Variants in STXBP6 observed in about 807,000 individuals in gnomAD.
The protein encoded by STXBP6 is syntaxin-binding protein 6.
In STXBP6, 21 loss-of-function variants were observed where a neutral mutation model predicts 26.9. That is an observed-to-expected ratio of 0.78 (90% CI 0.55 to 1.12). The LOEUF is 1.12. Ranked by LOEUF, STXBP6 falls within the 50% of genes most tolerant of loss-of-function variation. STXBP6 has a pLI of 0.00. For synonymous variants in STXBP6, 97 were observed against 92.6 expected (o/e 1.05, Z -0.27); for missense variants, 232 against 257.9 (o/e 0.90, Z 0.69).
rs2071951305 is a variant in STXBP6, at chr14:24,920,813, C to T, written c.154+53852G>A. ...GTATGAAGGGTTTGCCAAGCAACTC[C>T]TGTGCACAACTGGAGACCGTCTTTA... is the stretch of plus-strand genomic sequence containing the variant. On this transcript the variant is annotated intron_variant, in intron 2 of 5. Transcript: ENST00000323944. Among the ~76,000 whole-genome samples, 3 of 152,186 alleles carry T rather than the reference C, an allele frequency of 2.0e-5. No individual in the cohort carries two copies. The South Asian group carries it at 6.2e-4, about 32-fold the overall frequency.
intron 2 of STXBP6, among the ~76,000 whole-genome samples, chr14:24,870,177 T>C (rs2069875880): frequency 6.6e-6 from 1 of 152,146 alleles, no homozygotes; most frequent in Non-Finnish European, 1.5e-5. Context: ...TCAGTTTACT[T>C]TGACTGGAAT....
intron 4 of STXBP6, among the ~76,000 whole-genome samples, chr14:24,838,991 TAA>T (rs1298558741): frequency 1.3e-5 from 2 of 151,870 alleles, no homozygotes; most frequent in African/African-American, 2.4e-5. Context: ...TTAAAAAAGG[TAA>T]AAGAGAGCCC....
intron 2 of STXBP6, among the ~76,000 whole-genome samples, chr14:24,888,942 T>C (rs1365403310): frequency 6.6e-6 from 1 of 152,086 alleles, no homozygotes; most frequent in African/African-American, 2.4e-5. Flanking sequence ...CCTTTTCCTC[T>C]TTTTGTACTT....
At chr14:24,893,748 A>G (rs1230720713) in intron 2 of STXBP6, among the ~76,000 whole-genome samples, 1 of 152,236 alleles carries the variant, frequency 6.6e-6, no homozygotes, top group Non-Finnish European at 1.5e-5. Flanking sequence ...CCTCCCATTA[A>G]CATTTTCCAG....
In STXBP6 at chr14:25,022,776, C is replaced by A. The variant is rs529618877; in HGVS notation, c.-33+27102G>T. Among the ~76,000 whole-genome samples the A allele has an allele frequency of 5.3e-5, 8 of 152,306 alleles. No individual in the cohort carries two copies. In the South Asian group the frequency reaches 1.7e-3, roughly 32 times the overall value. ...CCAAGACTGAGTCTTCACCTACCAT[C>A]TCTATACTGAAAATGCCACATTTTT... On this transcript the variant is annotated intron_variant, in intron 1 of 5. Coordinates refer to ENST00000323944, the MANE Select transcript of STXBP6 (RefSeq NM_001394410.1).
chr14:24,965,417 GT>G (rs769398422), intron 2 of STXBP6, among the ~76,000 whole-genome samples: 147 of 149,160 alleles, frequency 9.9e-4, no homozygotes, highest in Non-Finnish European at 1.9e-3. Context: ...ATTTCAATGG[GT>G]TTTTTGGGGG....
intron 2 of STXBP6, among the ~76,000 whole-genome samples, chr14:24,937,459 A>C (rs2072643327): frequency 1.3e-5 from 2 of 152,186 alleles, no homozygotes; most frequent in African/African-American, 4.8e-5. Context: ...TTACAGGGCA[A>C]TTACACTCAA....
At chr14:24,971,851 C>G (rs1430608003) in intron 2 of STXBP6, among the ~76,000 whole-genome samples, 3 of 152,146 alleles carry the variant, frequency 2.0e-5, no homozygotes, top group South Asian at 2.1e-4. Flanking sequence ...TTGCTACTTG[C>G]CCACCAAATT....
At chr14:24,980,503 G>C (rs2074160953) in intron 1 of STXBP6, among the ~76,000 whole-genome samples, 1 of 152,160 alleles carries the variant, frequency 6.6e-6, no homozygotes, top group Non-Finnish European at 1.5e-5. Flanking sequence ...CTTATAAGTA[G>C]ATTCTAAAAA....
chr14:25,001,722 C>T (rs371846454), intron 1 of STXBP6, among the ~76,000 whole-genome samples: 3 of 152,154 alleles, frequency 2.0e-5, no homozygotes, highest in African/African-American at 4.8e-5. Flanking sequence ...AATCTGGGCT[C>T]GATCATTACT....
intron 2 of STXBP6, among the ~76,000 whole-genome samples, chr14:24,912,391 G>A (rs1381802009): frequency 2.0e-5 from 3 of 148,774 alleles, no homozygotes; most frequent in African/African-American, 7.5e-5. Context: ...ATAATGTTTG[G>A]TATTGTGACA....
At chr14:24,954,275 C>G (rs771317904) in intron 2 of STXBP6, among the ~76,000 whole-genome samples, 1 of 152,046 alleles carries the variant, frequency 6.6e-6, no homozygotes, top group Non-Finnish European at 1.5e-5. Context: ...GGTTTGGTAG[C>G]AGCTGAAGAA....
chr14:24,967,041 AG>A (rs1337543156), intron 2 of STXBP6, among the ~76,000 whole-genome samples: 2 of 152,208 alleles, frequency 1.3e-5, no homozygotes, highest in African/African-American at 4.8e-5. Flanking sequence ...CTACAAGAGA[AG>A]GAGAGCACAG....
intron 4 of STXBP6, among the ~76,000 whole-genome samples, chr14:24,832,114 C>G (rs1244909143): frequency 6.6e-6 from 1 of 152,152 alleles, no homozygotes; most frequent in Non-Finnish European, 1.5e-5. Flanking sequence ...AAGCACTACC[C>G]TTATCTTTTG....
At chr14:24,901,364 T>G (rs2071207194) in intron 2 of STXBP6, among the ~76,000 whole-genome samples, 1 of 152,056 alleles carries the variant, frequency 6.6e-6, no homozygotes, top group Non-Finnish European at 1.5e-5. Context: ...AAAAAAAGAC[T>G]GGCTATATTA....
chr14:25,039,820 C>T (rs138532866), intron 1 of STXBP6, among the ~76,000 whole-genome samples: 18,406 of 151,918 alleles, frequency 0.12, 1,180 homozygotes, highest in Middle Eastern at 0.15. Context: ...AATTCTCATG[C>T]CTCAGCCTCC....
At position 24,887,169 on chromosome 14, in the gene STXBP6, C is replaced by T. The variant is rs2070620885; in HGVS notation, c.155-30012G>A. The stretch of plus-strand genomic sequence containing the variant: ...TCCTAAACTATTATAATACATATAA[C>T]ATTTCTCTACACTTTGGTGCTTTAT... On this transcript the variant is annotated intron_variant, in intron 2 of 5. Transcript: ENST00000323944. Among the ~76,000 whole-genome samples, 3 of 152,134 alleles carry T rather than the reference C, an allele frequency of 2.0e-5. No individual in the cohort carries two copies. The South Asian group carries it at 6.2e-4, about 32-fold the overall frequency.
chr14:24,957,354 G>T (rs1052762138), intron 2 of STXBP6, among the ~76,000 whole-genome samples: 3 of 152,172 alleles, frequency 2.0e-5, no homozygotes, highest in African/African-American at 7.2e-5. Flanking sequence ...TCCATCTTCA[G>T]AATAGAACAC....
chr14:24,895,541 C>G (rs1321418830), intron 2 of STXBP6, among the ~76,000 whole-genome samples: 5 of 152,198 alleles, frequency 3.3e-5, no homozygotes, highest in African/African-American at 7.2e-5. Flanking sequence ...GTTGGGTAAG[C>G]TACCCATATG....
Sources: allele counts gnomAD v4.1 joint callset (sites outside exome capture counted in the v4.1 genomes callset), GRCh38; gene constraint gnomAD v4.1.1; transcripts MANE v1.5; gene names NCBI Gene and HGNC (gene_info 2026-07-23, HGNC 2026-07-21).